Variants in PPP2R5C observed in about 807,000 individuals in gnomAD.
The protein encoded by PPP2R5C is serine/threonine-protein phosphatase 2A 56 kDa regulatory subunit gamma isoform.
Under a neutral mutation model 68.9 loss-of-function variants are expected in PPP2R5C, and 7 were observed. The ratio of observed to expected loss-of-function variants is 0.10; its 90% CI spans 0.06 to 0.19. The LOEUF is 0.19. Among genes scored for constraint, PPP2R5C ranks in the 10% least tolerant of loss-of-function variants. The pLI, the probability that PPP2R5C is intolerant of heterozygous loss-of-function variation, is 1.00. For synonymous variants in PPP2R5C, 210 were observed against 222.2 expected (o/e 0.95, Z 0.49); for missense variants, 348 against 641.3 (o/e 0.54, Z 4.94).
intron 2 of PPP2R5C, among the ~76,000 whole-genome samples, chr14:101,863,977 G>A (rs1275409760): frequency 6.6e-6 from 1 of 152,146 alleles, no homozygotes; most frequent in Non-Finnish European, 1.5e-5. Context: ...AGTGCTGTGT[G>A]TTTTCAGTGC....
chr14:101,898,883 G>A (rs1033879788), intron 8 of PPP2R5C, among the ~76,000 whole-genome samples: 1 of 152,182 alleles, frequency 6.6e-6, no homozygotes, highest in Non-Finnish European at 1.5e-5. Flanking sequence ...TTGAAAGCTT[G>A]TTAATGAGAT....
At chr14:101,843,789 G>C (rs937441723) in intron 1 of PPP2R5C, 2 of 226,804 alleles carry the variant, frequency 8.8e-6, no homozygotes, top group South Asian at 6.8e-5. Flanking sequence ...GCCACCTCCA[G>C]GGGGAGATCG....
intron 9 of PPP2R5C, among the ~76,000 whole-genome samples, chr14:101,904,240 C>T (rs2045890880): frequency 1.3e-5 from 2 of 151,866 alleles, no homozygotes; most frequent in African/African-American, 4.8e-5. Flanking sequence ...ACCTCTGCCT[C>T]CCAGGTTGAA....
chr14:101,893,127 C>T lies in PPP2R5C; in HGVS notation c.798+19C>T. On this transcript the variant is annotated intron_variant, in intron 7 of 13. Coordinates refer to ENST00000334743, the Ensembl canonical transcript of PPP2R5C. ...TCCCCAGGTAAGGGGCAGCAGGACT[C>T]TAGGAACACAGCTGTTGGCATTTGA... The T allele has an allele frequency of 2.7e-6, 4 of 1,498,118 alleles. No homozygotes were observed. Among genetic ancestry groups the T allele is most frequent in the Non-Finnish European group, 3.7e-6 (4 of 1,075,588 alleles). 92.8% of individuals were successfully genotyped at this position (1,498,118 alleles called of 1,614,324 possible). A position where few individuals can be genotyped will look rare whatever the true frequency, so the allele number is the denominator to read the frequency against.
At position 101,882,491 on chromosome 14, in the gene PPP2R5C, TA is replaced by T. The variant is rs1369621179; in HGVS notation, c.405+221del. On this transcript the variant is annotated intron_variant, in intron 3 of 13. Coordinates refer to ENST00000334743, the Ensembl canonical transcript of PPP2R5C. This position sits in a 1 kb window ranked among gnomAD's most constrained non-coding sequence, Gnocchi z 4.9. ...GCCAGTGAAGATGTGTAATTGTGAG[TA>T]TGTTCTCAGTGAAGATGGCCGCTGT... 2 of 417,106 alleles carry T rather than the reference TA, an allele frequency of 4.8e-6. No homozygotes were observed. The highest frequency in any genetic ancestry group is 8.6e-6 in the Non-Finnish European group (2 of 233,402). 25.8% of individuals were successfully genotyped at this position (417,106 alleles called of 1,614,324 possible). A position where few individuals can be genotyped will look rare whatever the true frequency, so the allele number is the denominator to read the frequency against.
chr14:101,853,302 AGAAAT>A (rs1386810634), intron 1 of PPP2R5C, among the ~76,000 whole-genome samples: 2 of 152,174 alleles, frequency 1.3e-5, no homozygotes, highest in East Asian at 3.8e-4. Context: ...AATGAAGAAA[AGAAAT>A]GAAAAAAAGA....
At chr14:101,761,522 T>C (rs7158488), upstream of PPP2R5C, among the ~76,000 whole-genome samples, 16,698 of 136,546 alleles carry the variant, frequency 0.12, 1,554 homozygotes, top group African/African-American at 0.27. Flanking sequence ...AGCGTTAGGG[T>C]ACGTGGGGGC....
chr14:101,874,774 C>G (rs896761058), intron 2 of PPP2R5C, among the ~76,000 whole-genome samples: 6 of 152,026 alleles, frequency 3.9e-5, no homozygotes, highest in African/African-American at 1.2e-4. Flanking sequence ...GAGTCTTGCT[C>G]TGTCGCCCAG....
chr14:101,761,735 G>C (rs2036548015), upstream of PPP2R5C: 1 of 982,472 alleles, frequency 1.0e-6, no homozygotes, highest in Non-Finnish European at 1.2e-6. Context: ...CAGCCTCTGG[G>C]AGTCTGGAAA....
Position 101,841,672 on chromosome 14 carries a change from G to T in PPP2R5C, c.95-15014G>T, listed in dbSNP as rs116528910. Reference sequence around the variant, plus strand: ...CTTTTTGAAACGAAACCTTCCAGTCGCAGACACAAAAGCCGTAGAGAGTAA... The same window carrying T: ...CTTTTTGAAACGAAACCTTCCAGTCTCAGACACAAAAGCCGTAGAGAGTAA... On this transcript the variant is annotated intron_variant, in intron 1 of 13. Coordinates refer to ENST00000334743, the Ensembl canonical transcript of PPP2R5C. 6.2e-3 allele frequency among the ~76,000 whole-genome samples: 950 copies of T among 152,284 alleles called. 8 individuals are homozygous for T. The highest frequency in any genetic ancestry group is 0.022 in the African/African-American group (898 of 41,562).
chr14:101,901,578 T>C (rs1240525364), intron 8 of PPP2R5C, 141 bp from the exon 11 acceptor site: 3 of 766,230 alleles, frequency 3.9e-6, no homozygotes, highest in Non-Finnish European at 6.5e-6. Context: ...ACTGAGTCAC[T>C]GTTCCCTCTG....
At chr14:101,778,738 C>G (rs2037540591) in intron 2 of PPP2R5C, among the ~76,000 whole-genome samples, 1 of 152,158 alleles carries the variant, frequency 6.6e-6, no homozygotes, top group Admixed American at 6.5e-5. Flanking sequence ...CAGTATCATA[C>G]TACCTTGAGC....
exon 14 of PPP2R5C, chr14:101,925,835 T>C (rs1398497119): frequency 6.6e-6 from 1 of 152,654 alleles, no homozygotes; most frequent in Non-Finnish European, 1.5e-5. Flanking sequence ...CCGCTGGTAT[T>C]TTCTAAGGGG....
chr14:101,892,392 GGT>G (rs2044995844), intron 6 of PPP2R5C, among the ~76,000 whole-genome samples: 1 of 125,626 alleles, frequency 8.0e-6, no homozygotes, highest in South Asian at 3.1e-4. Context: ...TTGGGTGGGG[GGT>G]GGGGGGGGTC....
chr14:101,868,999 G>A (rs374360475), intron 2 of PPP2R5C, among the ~76,000 whole-genome samples: 11 of 152,000 alleles, frequency 7.2e-5, no homozygotes, highest in Non-Finnish European at 1.6e-4. Flanking sequence ...TGCAACCTCC[G>A]CCTCCTGTGT....
chr14:101,841,042 A>T (rs1404135055), intron 1 of PPP2R5C, among the ~76,000 whole-genome samples: 1 of 152,302 alleles, frequency 6.6e-6, no homozygotes, highest in East Asian at 1.9e-4. Flanking sequence ...AGGACATGCT[A>T]TATTTCAGGG....
chr14:101,910,832 G>T (rs967101024), intron 11 of PPP2R5C, among the ~76,000 whole-genome samples: 1 of 152,112 alleles, frequency 6.6e-6, no homozygotes, highest in Non-Finnish European at 1.5e-5. Flanking sequence ...GCCGGGCATG[G>T]TGGCTCATGC....
At chr14:101,772,886 A>T (rs1431684478) in intron 2 of PPP2R5C, among the ~76,000 whole-genome samples, 1 of 152,204 alleles carries the variant, frequency 6.6e-6, no homozygotes, top group African/African-American at 2.4e-5. Context: ...CACAGAGCAC[A>T]GCCACTTTGT....
intron 2 of PPP2R5C, among the ~76,000 whole-genome samples, chr14:101,780,321 A>G (rs1164495720): frequency 2.0e-5 from 3 of 152,048 alleles, no homozygotes; most frequent in Non-Finnish European, 1.5e-5. Flanking sequence ...CTAGGTTGTG[A>G]TATGTGCTGG....
Sources: gnomAD v4.1 joint callset for allele counts (sites outside exome capture counted in the v4.1 genomes callset) on GRCh38, gnomAD v4.1.1 for gene constraint, Gnocchi (gnomAD v3.1) non-coding constraint, MANE v1.5 for transcripts, NCBI Gene and HGNC (gene_info 2026-07-23, HGNC 2026-07-21) for gene names.